The following AUH variants were observed in gnomAD, a reference collection of about 807,000 sequenced individuals.
The protein encoded by AUH is methylglutaconyl-CoA hydratase, mitochondrial.
AUH carries 29 observed loss-of-function variants against 42.3 expected under a neutral mutation model. That is an observed-to-expected ratio of 0.69 (90% CI 0.51 to 0.93). AUH has a LOEUF of 0.93. AUH is among the 40% of genes least tolerant of loss of function. The pLI is 0.00. For synonymous variants in AUH, 174 were observed against 166.4 expected (o/e 1.05, Z -0.35); for missense variants, 452 against 438.1 (o/e 1.03, Z -0.28).
At chr9:91,325,652 C>T (rs1269688598) in intron 3 of AUH, among the ~76,000 whole-genome samples, 5 of 152,136 alleles carry the variant, frequency 3.3e-5, no homozygotes, top group Non-Finnish European at 5.9e-5. Context: ...GGCCCCTTCA[C>T]GCTCTTAAAG....
intron 8 of AUH, among the ~76,000 whole-genome samples, chr9:91,216,816 G>A (rs908227578): frequency 3.9e-5 from 6 of 152,196 alleles, no homozygotes; most frequent in Non-Finnish European, 2.9e-5. Flanking sequence ...GTACCCCCAG[G>A]ACACACAATG....
intron 3 of AUH, among the ~76,000 whole-genome samples, chr9:91,351,458 G>A (rs751730816): frequency 7.9e-5 from 12 of 152,072 alleles, no homozygotes; most frequent in Non-Finnish European, 1.6e-4. Flanking sequence ...TGAGCGCATC[G>A]GTATATAATA....
intron 6 of AUH, among the ~76,000 whole-genome samples, chr9:91,225,435 C>A (rs1194239861): frequency 1.3e-5 from 2 of 152,204 alleles, no homozygotes; most frequent in Non-Finnish European, 2.9e-5. Flanking sequence ...TATCCTATTT[C>A]TGTCAGTTGA....
intron 3 of AUH, among the ~76,000 whole-genome samples, chr9:91,350,027 A>G (rs540586097): frequency 1.7e-4 from 26 of 152,222 alleles, no homozygotes; most frequent in Middle Eastern, 3.2e-3. Flanking sequence ...CCAGAATGTC[A>G]CGATCAACAA....
At chr9:91,227,798 C>T (rs1827604504) in intron 6 of AUH, among the ~76,000 whole-genome samples, 1 of 152,212 alleles carries the variant, frequency 6.6e-6, no homozygotes, top group African/African-American at 2.4e-5. Flanking sequence ...TTTTCTGCAT[C>T]TATTGAGATA....
At chr9:91,294,500 A>G (rs1409333902) in intron 6 of AUH, among the ~76,000 whole-genome samples, 1 of 152,026 alleles carries the variant, frequency 6.6e-6, no homozygotes, top group Non-Finnish European at 1.5e-5. Context: ...GTGAGCCGAG[A>G]TCACACCACT....
At chr9:91,361,429 G>A (rs556635026) in intron 1 of AUH, among the ~76,000 whole-genome samples, 199 bp downstream of exon 1, 1 of 152,320 alleles carries the variant, frequency 6.6e-6, no homozygotes, top group Non-Finnish European at 1.5e-5. Flanking sequence ...ACACGTTTAG[G>A]TTATTAAAAG....
chr9:91,348,876 A>G (rs1210082817), intron 3 of AUH, among the ~76,000 whole-genome samples: 1 of 152,182 alleles, frequency 6.6e-6, no homozygotes, highest in Non-Finnish European at 1.5e-5. Flanking sequence ...AAATTGGTAA[A>G]CTTTATTCCA....
intron 4 of AUH, among the ~76,000 whole-genome samples, chr9:91,308,692 CAAA>C (rs1828426056): frequency 6.6e-6 from 1 of 151,098 alleles, no homozygotes; most frequent in East Asian, 1.9e-4. Context: ...CTCAAGCAAA[CAAA>C]AAAGACACAG....
chr9:91,308,391 G>C (rs926278332), intron 4 of AUH, among the ~76,000 whole-genome samples: 1 of 152,108 alleles, frequency 6.6e-6, no homozygotes, highest in Non-Finnish European at 1.5e-5. Context: ...ACTGAACTAT[G>C]ATTCAAAAGG....
intron 3 of AUH, among the ~76,000 whole-genome samples, chr9:91,331,852 T>C (rs1830350420): frequency 6.6e-6 from 1 of 152,228 alleles, no homozygotes; most frequent in African/African-American, 2.4e-5. Flanking sequence ...TCTAGCTTCC[T>C]TGGCCCCCAC....
chr9:91,285,435 T>C (rs940266042), intron 6 of AUH, among the ~76,000 whole-genome samples: 8 of 151,886 alleles, frequency 5.3e-5, no homozygotes, highest in Non-Finnish European at 1.0e-4. Context: ...ATTGTGCACA[T>C]GTACCCTAGA....
At chr9:91,348,809 TATCATGATTCTG>T (rs1226289557) in intron 3 of AUH, among the ~76,000 whole-genome samples, 1 of 152,212 alleles carries the variant, frequency 6.6e-6, no homozygotes, top group African/African-American at 2.4e-5. Flanking sequence ...ATATGTTCTG[TATCATGATTCTG>T]ATCATGGTTT....
chr9:91,282,022 TA>T (rs1826004099), intron 6 of AUH, among the ~76,000 whole-genome samples: 1 of 152,124 alleles, frequency 6.6e-6, no homozygotes, highest in African/African-American at 2.4e-5. Context: ...GGGTAAAAGT[TA>T]AAAGTCCTGA....
intron 6 of AUH, among the ~76,000 whole-genome samples, chr9:91,284,967 C>G (rs1430723448): frequency 1.3e-5 from 2 of 152,178 alleles, no homozygotes; most frequent in African/African-American, 4.8e-5. Context: ...TGGGTATACA[C>G]CCAAAGGATT....
At chr9:91,320,581 G>A (rs1383762006) in intron 4 of AUH, among the ~76,000 whole-genome samples, 1 of 152,176 alleles carries the variant, frequency 6.6e-6, no homozygotes, top group Non-Finnish European at 1.5e-5. Flanking sequence ...AGGCATCCCT[G>A]GAGTCTCTCT....
intron 3 of AUH, among the ~76,000 whole-genome samples, chr9:91,336,833 AAT>A (rs1177785644): frequency 1.3e-5 from 2 of 152,180 alleles, no homozygotes; most frequent in Non-Finnish European, 2.9e-5. Context: ...GTAGAAATGC[AAT>A]GTTTTTGAAA....
At chr9:91,311,471 G>A (rs1464586404) in intron 4 of AUH, among the ~76,000 whole-genome samples, 1 of 152,200 alleles carries the variant, frequency 6.6e-6, no homozygotes, top group Non-Finnish European at 1.5e-5. Flanking sequence ...ACTAAATTCT[G>A]TAATCTAAAA....
At chr9:91,244,001 A>C (rs1828658483) in intron 6 of AUH, among the ~76,000 whole-genome samples, 1 of 152,208 alleles carries the variant, frequency 6.6e-6, no homozygotes, top group Non-Finnish European at 1.5e-5. Flanking sequence ...ACTCTAACTT[A>C]CTGGAAACAA....
Sources: allele counts gnomAD v4.1 joint callset (sites outside exome capture counted in the v4.1 genomes callset), GRCh38; gene constraint gnomAD v4.1.1; transcripts MANE v1.5; gene names NCBI Gene and HGNC (gene_info 2026-07-23, HGNC 2026-07-21).